The following TCAF1 variants were observed in gnomAD, a reference collection of about 807,000 sequenced individuals.
TCAF1 encodes TRPM8 channel associated factor 1.
TCAF1 carries 4 observed loss-of-function variants against 27.3 expected under a neutral mutation model. The ratio of observed to expected loss-of-function variants is 0.15; its 90% CI spans 0.07 to 0.34. TCAF1 has a LOEUF of 0.34. Among genes scored for constraint, TCAF1 ranks in the 10% least tolerant of loss-of-function variants. The pLI is 1.00. For missense variants in TCAF1, 257 were observed against 425.8 expected (o/e 0.60, Z 3.49); for synonymous variants, 105 against 167.1 (o/e 0.63, Z 2.87).
At chr7:143,892,444 T>G (rs990155657) in intron 1 of TCAF1, among the ~76,000 whole-genome samples, 1 of 151,198 alleles carries the variant, frequency 6.6e-6, no homozygotes, top group East Asian at 1.9e-4. Flanking sequence ...AAGTGTTGAA[T>G]TCGAAAGAAA....
chr7:143,896,716 A>G (rs1227744502), intron 1 of TCAF1, among the ~76,000 whole-genome samples: 1 of 152,094 alleles, frequency 6.6e-6, no homozygotes, highest in Admixed American at 6.5e-5. Flanking sequence ...CAAAGAACAG[A>G]CTATAAGGAA....
intron 1 of TCAF1, among the ~76,000 whole-genome samples, chr7:143,897,522 C>A (rs1170565635): frequency 2.0e-5 from 3 of 151,926 alleles, no homozygotes; most frequent in Non-Finnish European, 4.4e-5. Flanking sequence ...TTGTAGGACT[C>A]AAATGTTATA....
At chr7:143,897,570 C>A (rs1292002604) in intron 1 of TCAF1, among the ~76,000 whole-genome samples, 1 of 152,000 alleles carries the variant, frequency 6.6e-6, no homozygotes, top group East Asian at 1.9e-4. Context: ...AGTATCCCGA[C>A]TGCTCCATTG....
chr7:143,860,008 A>AT (rs1213622908), intron 6 of TCAF1, among the ~76,000 whole-genome samples, 200 bp downstream of exon 6: 27 of 36,166 alleles, frequency 7.5e-4, no homozygotes, highest in Middle Eastern at 0.01. Context: ...TATAATATAT[A>AT]TATAATATAT....
intron 1 of TCAF1, chr7:143,885,412 T>G (rs1813350164): frequency 1.0e-6 from 1 of 985,224 alleles, no homozygotes; most frequent in Non-Finnish European, 1.2e-6. Flanking sequence ...CTGCCGCGGG[T>G]GGAGGCGGAG....
At chr7:143,875,294 CATGCAAGAGATGTTT>C (rs2116768374) in intron 2 of TCAF1, among the ~76,000 whole-genome samples, 1 of 152,282 alleles carries the variant, frequency 6.6e-6, no homozygotes, top group Admixed American at 6.5e-5. Flanking sequence ...TGCAGTCATG[CATGCAAGAGATGTTT>C]ACTGAGCACC....
chr7:143,888,976 A>G (rs1031931690), intron 1 of TCAF1, among the ~76,000 whole-genome samples: 13 of 152,186 alleles, frequency 8.5e-5, no homozygotes, highest in South Asian at 2.1e-4. Flanking sequence ...TTTATAAAAA[A>G]GAATCAAAAC....
chr7:143,887,451 T>G (rs951878563), intron 1 of TCAF1, among the ~76,000 whole-genome samples: 10 of 151,816 alleles, frequency 6.6e-5, no homozygotes, highest in African/African-American at 2.4e-4. Context: ...TGGGGGAGGG[T>G]TGAGCAGTAA....
chr7:143,881,026 A>C (rs1812985042), intron 1 of TCAF1, among the ~76,000 whole-genome samples: 1 of 152,182 alleles, frequency 6.6e-6, no homozygotes, highest in African/African-American at 2.4e-5. Flanking sequence ...GAAAGTATTG[A>C]AGGCACAACC....
intron 2 of TCAF1, among the ~76,000 whole-genome samples, chr7:143,875,346 A>G (rs1465448823): frequency 6.6e-6 from 1 of 152,148 alleles, no homozygotes; most frequent in Non-Finnish European, 1.5e-5. Flanking sequence ...GTTAGGCACT[A>G]TATGTGGTGC....
rs1813778012 is a variant in TCAF1 at position 143,894,278 on chromosome 7, A to C, written c.-15+7683T>G. On this transcript the variant is annotated intron_variant, in intron 1 of 8. Coordinates refer to ENST00000479870, the MANE Select transcript of TCAF1 (RefSeq NM_014719.3). ...AAGGATTTTTATGGTGAATTTTTCT[A>C]AACACTTGAGAAAAATATAATACTA... 2.0e-5 allele frequency among the ~76,000 whole-genome samples: 3 copies of C among 152,014 alleles called. No individual in the cohort carries two copies. The South Asian group carries it at 6.2e-4, about 32-fold the overall frequency.
At chr7:143,900,929 T>C (rs1314259778) in intron 1 of TCAF1, among the ~76,000 whole-genome samples, 1 of 152,146 alleles carries the variant, frequency 6.6e-6, no homozygotes, top group East Asian at 1.9e-4. Flanking sequence ...AGCCAATACA[T>C]ATGTTTTAGG....
rs992143331 is a variant in TCAF1 at position 143,882,933 on chromosome 7, G to A, written c.-14-6311C>T. 6.3e-6 allele frequency: 6 copies of A among 945,134 alleles called. No individual in the cohort carries two copies. The African/African-American group carries it at 1.1e-4, about 17-fold the overall frequency. 58.5% of individuals were successfully genotyped at this position (945,134 alleles called of 1,614,324 possible). A position where few individuals can be genotyped will look rare whatever the true frequency, so the allele number is the denominator to read the frequency against. ...CTCCTCCCCACTTCCTCCCAGGCTG[G>A]AGTGGGAGCTCCAGGGGGCGGCGCT... is the stretch of plus-strand genomic sequence containing the variant. On this transcript the variant is annotated intron_variant, in intron 1 of 8. Coordinates refer to ENST00000479870, the MANE Select transcript of TCAF1 (RefSeq NM_014719.3).
intron 1 of TCAF1, among the ~76,000 whole-genome samples, chr7:143,891,250 A>G (rs1430152063): frequency 3.9e-5 from 6 of 152,190 alleles, no homozygotes; most frequent in Non-Finnish European, 8.8e-5. Flanking sequence ...GCATTGAATC[A>G]AAAATTAGGA....
intron 1 of TCAF1, among the ~76,000 whole-genome samples, chr7:143,888,911 T>C (rs1203016197): frequency 1.3e-5 from 2 of 152,156 alleles, no homozygotes; most frequent in African/African-American, 4.8e-5. Context: ...TAGCCATGTT[T>C]TGTACATTTG....
chr7:143,875,960 C>A (rs1185765726), intron 2 of TCAF1, 29 bp downstream of exon 2: 1 of 1,515,328 alleles, frequency 6.6e-7, no homozygotes. Flanking sequence ...AACCCTGGAG[C>A]CAACTCCCCA....
At chr7:143,859,759 G>A (rs1402209719) in intron 6 of TCAF1, among the ~76,000 whole-genome samples, 2 of 149,130 alleles carry the variant, frequency 1.3e-5, no homozygotes, top group African/African-American at 5.0e-5. Context: ...CTAGGTCACG[G>A]CCCTCTGCCA....
intron 1 of TCAF1, chr7:143,882,677 G>C (rs1204364496): frequency 1.8e-5 from 15 of 845,760 alleles, no homozygotes; most frequent in Non-Finnish European, 2.1e-5. Flanking sequence ...CACCCAGGCC[G>C]AGTCCACCGT....
At chr7:143,893,068 G>A (rs529687055) in intron 1 of TCAF1, among the ~76,000 whole-genome samples, 4 of 152,208 alleles carry the variant, frequency 2.6e-5, no homozygotes, top group Admixed American at 6.5e-5. Context: ...TATTGAAAGT[G>A]AAAGGATGGA....
Sources: gnomAD v4.1 joint callset for allele counts (sites outside exome capture counted in the v4.1 genomes callset) on GRCh38, gnomAD v4.1.1 for gene constraint, MANE v1.5 for transcripts, NCBI Gene and HGNC (gene_info 2026-07-23, HGNC 2026-07-21) for gene names.